Variants in PHF24 observed in about 807,000 individuals in gnomAD.
PHF24 encodes PHD finger protein 24.
PHF24 carries 25 observed loss-of-function variants against 42.6 expected under a neutral mutation model. The observed-to-expected ratio is 0.59, with a 90% CI of 0.43 to 0.82. The LOEUF (loss-of-function observed/expected upper bound fraction) is 0.82, where lower values mean the gene tolerates loss of function less well. PHF24 is among the 40% of genes least tolerant of loss of function. The probability of loss-of-function intolerance (pLI) is 0.00; values close to 1 mark genes in which losing one functional copy is unlikely to be tolerated. For synonymous variants in PHF24, 185 were observed against 204.8 expected (o/e 0.90, Z 0.83); for missense variants, 470 against 538.1 (o/e 0.87, Z 1.25).
At chr9:34,677,686 C>T in the PHF24 span, among the ~76,000 whole-genome samples, 1 of 152,192 alleles carries the variant, frequency 6.6e-6, no homozygotes, top group Admixed American at 6.5e-5. Context: ...GTGTGAGCCA[C>T]TTCGCCCAGC....
the PHF24 span, among the ~76,000 whole-genome samples, chr9:34,820,084 T>G: frequency 6.6e-6 from 1 of 151,240 alleles, no homozygotes; most frequent in Non-Finnish European, 1.5e-5. Context: ...CTATTTTGAC[T>G]AATATTAATA....
rs1449815853 is a variant in PHF24 at position 34,971,160 on chromosome 9, G to T, written c.-4-135G>T. ...ACCAACATCTTCTGATCCTTAACATGTGCTGTCTCCACCCCCACCATGTTC... is the reference window on the plus strand; with the variant it reads ...ACCAACATCTTCTGATCCTTAACATTTGCTGTCTCCACCCCCACCATGTTC... On this transcript the variant is annotated intron_variant, in intron 1 of 7. Coordinates refer to ENST00000242315, the Ensembl canonical transcript of PHF24. 3.9e-6 allele frequency: 3 copies of T among 761,646 alleles called. No homozygotes were observed. The East Asian group carries it at 8.0e-5, about 20-fold the overall frequency. 47.2% of individuals were successfully genotyped at this position (761,646 alleles called of 1,614,324 possible). A position where few individuals can be genotyped will look rare whatever the true frequency, so the allele number is the denominator to read the frequency against.
the PHF24 span, chr9:34,832,730 T>C: frequency 3.9e-6 from 6 of 1,548,078 alleles, no homozygotes; most frequent in East Asian, 7.3e-5. Context: ...CCAGCCCATG[T>C]AAAACTTGGC....
the PHF24 span, among the ~76,000 whole-genome samples, chr9:34,851,850 A>G: frequency 1.3e-5 from 2 of 152,228 alleles, no homozygotes; most frequent in African/African-American, 4.8e-5. Context: ...GTCATAATTT[A>G]CATCTTGTCT....
chr9:34,791,292 G>A, the PHF24 span, among the ~76,000 whole-genome samples: 18 of 152,200 alleles, frequency 1.2e-4, no homozygotes, highest in Non-Finnish European at 2.1e-4. Flanking sequence ...TAAGAGAAAA[G>A]AGGGTCAACG....
At chr9:34,878,836 A>C in the PHF24 span, among the ~76,000 whole-genome samples, 30 of 152,196 alleles carry the variant, frequency 2.0e-4, no homozygotes, top group African/African-American at 6.8e-4. Flanking sequence ...AGACTTAAAC[A>C]TCCCTGTCTG....
chr9:34,881,492 G>A, the PHF24 span, among the ~76,000 whole-genome samples: 1 of 151,816 alleles, frequency 6.6e-6, no homozygotes, highest in African/African-American at 2.4e-5. Context: ...AAAGAGAGAA[G>A]AATCAAATAG....
chr9:34,781,034 G>A, the PHF24 span, among the ~76,000 whole-genome samples: 1 of 152,168 alleles, frequency 6.6e-6, no homozygotes, highest in African/African-American at 2.4e-5. Context: ...TTGCCAGTGG[G>A]AATGTAAAAT....
chr9:34,714,269 C>T, the PHF24 span, among the ~76,000 whole-genome samples: 1 of 152,090 alleles, frequency 6.6e-6, no homozygotes, highest in South Asian at 2.1e-4. Context: ...AGAGGCAGAT[C>T]CTGGAACCAG....
At chr9:34,686,771 C>T in the PHF24 span, among the ~76,000 whole-genome samples, 1 of 152,172 alleles carries the variant, frequency 6.6e-6, no homozygotes, top group Admixed American at 6.5e-5. Flanking sequence ...GCAACAAGGC[C>T]TCCACATCCT....
chr9:34,958,231 GC>G (rs1826449660), upstream of PHF24: 3 of 93,064 alleles, frequency 3.2e-5, no homozygotes, highest in Non-Finnish European at 7.9e-5. The surrounding 1 kb of genome is among the most constrained non-coding windows in gnomAD (Gnocchi z 4.5). Context: ...CGCGCGCGCC[GC>G]CGCCGCCGCC....
At chr9:34,768,987 A>G in the PHF24 span, among the ~76,000 whole-genome samples, 1 of 152,226 alleles carries the variant, frequency 6.6e-6, no homozygotes, top group East Asian at 1.9e-4. Context: ...TTTTGTGTAT[A>G]CAAATGACAA....
At chr9:34,743,936 A>G in the PHF24 span, among the ~76,000 whole-genome samples, 1 of 152,204 alleles carries the variant, frequency 6.6e-6, no homozygotes, top group Admixed American at 6.5e-5. Context: ...TGAGTGCATG[A>G]GACAAAGGGA....
chr9:34,808,715 G>A, the PHF24 span, among the ~76,000 whole-genome samples: 2 of 152,112 alleles, frequency 1.3e-5, no homozygotes, highest in African/African-American at 4.8e-5. Flanking sequence ...GAGGAGAAGA[G>A]CCAAGAGAGT....
chr9:34,976,385 C>G (rs1167889259), intron 4 of PHF24, 150 bp from the exon 5 acceptor site: 90 of 992,270 alleles, frequency 9.1e-5, no homozygotes, highest in East Asian at 1.5e-4. Flanking sequence ...AGTCACCTAT[C>G]CCTGTCACAG....
At chr9:34,923,038 G>GT in the PHF24 span, 2 of 409,046 alleles carry the variant, frequency 4.9e-6, no homozygotes, top group South Asian at 8.6e-5. Flanking sequence ...AGTTTTTTAA[G>GT]TTTTGTTTTT....
chr9:34,794,573 G>A, the PHF24 span, among the ~76,000 whole-genome samples: 1 of 152,072 alleles, frequency 6.6e-6, no homozygotes, highest in Non-Finnish European at 1.5e-5. Context: ...ACAAGTAAGG[G>A]TGAACACTGG....
At chr9:34,959,494 G>A (rs946083316) in intron 1 of PHF24, among the ~76,000 whole-genome samples, 1 of 152,182 alleles carries the variant, frequency 6.6e-6, no homozygotes, top group Non-Finnish European at 1.5e-5. Context: ...AAAGTACTAA[G>A]GAGCAGCAGA....
chr9:34,701,180 G>A, the PHF24 span, among the ~76,000 whole-genome samples: 1 of 152,090 alleles, frequency 6.6e-6, no homozygotes, highest in African/African-American at 2.4e-5. This position sits in a 1 kb window ranked among gnomAD's most constrained non-coding sequence, Gnocchi z 5.8. Flanking sequence ...CGTGCTCCAG[G>A]TCTGGCCAAA....
Sources: gnomAD v4.1 joint callset for allele counts (sites outside exome capture counted in the v4.1 genomes callset) on GRCh38, gnomAD v4.1.1 for gene constraint, Gnocchi (gnomAD v3.1) non-coding constraint, MANE v1.5 for transcripts, NCBI Gene and HGNC (gene_info 2026-07-23, HGNC 2026-07-21) for gene names.